MSRA: variants seen among roughly 807,000 people sequenced by gnomAD.
MSRA encodes the protein methionine sulfoxide reductase A.
MSRA carries 54 observed loss-of-function variants against 31.3 expected under a neutral mutation model. The ratio of observed to expected loss-of-function variants is 1.73; its 90% CI spans 1.39 to 2.17. The LOEUF (loss-of-function observed/expected upper bound fraction) is 2.17, where lower values mean the gene tolerates loss of function less well. Among genes scored for constraint, MSRA ranks in the 30% most tolerant of loss-of-function variants. The probability of loss-of-function intolerance (pLI) is 0.00; values close to 1 mark genes in which losing one functional copy is unlikely to be tolerated. For synonymous variants in MSRA, 169 were observed against 116.5 expected (o/e 1.45, Z -2.90); for missense variants, 507 against 300.9 (o/e 1.69, Z -5.07).
chr8:10,194,827 C>T (rs1328064267), intron 1 of MSRA, among the ~76,000 whole-genome samples: 1 of 152,192 alleles, frequency 6.6e-6, no homozygotes, highest in Non-Finnish European at 1.5e-5. Context: ...CCAGCCTGGC[C>T]CTCAGCCCTG....
chr8:10,369,266 GA>G (rs1805344074), intron 5 of MSRA, among the ~76,000 whole-genome samples: 1 of 147,644 alleles, frequency 6.8e-6, no homozygotes, highest in Non-Finnish European at 1.5e-5. Context: ...AAAAAAAAAC[GA>G]AGAAGAAATT....
chr8:10,349,078 C>A (rs150986497), intron 5 of MSRA, among the ~76,000 whole-genome samples: 2 of 152,058 alleles, frequency 1.3e-5, no homozygotes, highest in Non-Finnish European at 2.9e-5. Context: ...TAATCATATG[C>A]GATACATCTA....
chr8:10,208,454 C>G (rs963043899), intron 2 of MSRA, among the ~76,000 whole-genome samples: 2 of 152,212 alleles, frequency 1.3e-5, no homozygotes, highest in Admixed American at 6.5e-5. Context: ...AAATTCCAAA[C>G]TGTTTGGTGA....
chr8:10,380,613 T>G (rs1806010167), intron 5 of MSRA, among the ~76,000 whole-genome samples: 1 of 152,224 alleles, frequency 6.6e-6, no homozygotes, highest in African/African-American at 2.4e-5. Flanking sequence ...TTCTTTCCTT[T>G]TCTAGACTGA....
intron 1 of MSRA, among the ~76,000 whole-genome samples, chr8:10,157,854 C>T (rs989553315): frequency 6.6e-6 from 1 of 152,048 alleles, no homozygotes; most frequent in Non-Finnish European, 1.5e-5. Flanking sequence ...CTTTTAATAA[C>T]AGCTGTATTG....
chr8:10,321,894 AG>A (rs1802062745), intron 5 of MSRA, among the ~76,000 whole-genome samples: 2 of 152,248 alleles, frequency 1.3e-5, no homozygotes, highest in Admixed American at 1.3e-4. Context: ...AGAGGCACAC[AG>A]CCAAGCTGTG....
At chr8:10,206,839 A>T (rs1809026923) in intron 1 of MSRA, among the ~76,000 whole-genome samples, 1 of 152,098 alleles carries the variant, frequency 6.6e-6, no homozygotes, top group Non-Finnish European at 1.5e-5. Context: ...TTGTTTTTGC[A>T]GTTGTTATTT....
intron 1 of MSRA, among the ~76,000 whole-genome samples, chr8:10,070,677 A>T (rs906199723): frequency 1.3e-5 from 2 of 152,158 alleles, no homozygotes; most frequent in African/African-American, 4.8e-5. Context: ...CCCATGTGCA[A>T]CCTCTGGCGA....
chr8:10,091,729 C>G (rs547018975), intron 1 of MSRA, among the ~76,000 whole-genome samples: 1 of 151,476 alleles, frequency 6.6e-6, no homozygotes, highest in African/African-American at 2.4e-5. Flanking sequence ...GCCTCAGCAT[C>G]CCAAGTAGCT....
chr8:10,375,482 G>C (rs955583918), intron 5 of MSRA, among the ~76,000 whole-genome samples: 3 of 152,240 alleles, frequency 2.0e-5, no homozygotes, highest in Non-Finnish European at 4.4e-5. Flanking sequence ...TGTGGAGCCA[G>C]TGGCCTGTGG....
intron 4 of MSRA, among the ~76,000 whole-genome samples, chr8:10,305,645 C>T (rs540911113): frequency 2.0e-5 from 3 of 152,172 alleles, no homozygotes; most frequent in African/African-American, 4.8e-5. Flanking sequence ...AACTCCTGAC[C>T]TCATGATTCG....
chr8:10,347,418 A>G (rs1352152318), intron 5 of MSRA, among the ~76,000 whole-genome samples: 1 of 152,130 alleles, frequency 6.6e-6, no homozygotes, highest in East Asian at 1.9e-4. Flanking sequence ...CCTTCTTGTG[A>G]TGTCCTGATT....
At chr8:10,093,573 A>C (rs1158433069) in intron 1 of MSRA, among the ~76,000 whole-genome samples, 1 of 152,190 alleles carries the variant, frequency 6.6e-6, no homozygotes, top group East Asian at 1.9e-4. Flanking sequence ...CATCAGATAG[A>C]AAAAAGAGTA....
At chr8:10,395,961 G>A (rs531913201) in intron 5 of MSRA, among the ~76,000 whole-genome samples, 3 of 152,220 alleles carry the variant, frequency 2.0e-5, no homozygotes, top group South Asian at 2.1e-4. Flanking sequence ...TACAAGTGCA[G>A]TCAAGCTCAA....
chr8:10,416,645 A>T (rs1006596861), intron 5 of MSRA, among the ~76,000 whole-genome samples: 1 of 152,186 alleles, frequency 6.6e-6, no homozygotes, highest in African/African-American at 2.4e-5. Flanking sequence ...CTGACTTCAA[A>T]AGGAGGGTGA....
At chr8:10,148,957 A>ATT (rs34442171) in intron 1 of MSRA, among the ~76,000 whole-genome samples, 2 of 136,406 alleles carry the variant, frequency 1.5e-5, no homozygotes, top group South Asian at 4.8e-4. Flanking sequence ...TCGCTGGTAA[A>ATT]TTTTTTTTTT....
intron 5 of MSRA, among the ~76,000 whole-genome samples, chr8:10,365,660 G>A (rs1476344122): frequency 1.3e-5 from 2 of 152,166 alleles, no homozygotes; most frequent in African/African-American, 2.4e-5. Context: ...CTTTTTACTT[G>A]CCTGACTCTA....
chr8:10,301,774 G>A (rs567600748), intron 4 of MSRA, 136 bp downstream of exon 4: 14 of 721,308 alleles, frequency 1.9e-5, no homozygotes, highest in Middle Eastern at 3.0e-4. Flanking sequence ...ATTTATTGAC[G>A]GAGGAGAGGA....
At chr8:10,094,539 G>C (rs969492014) in intron 1 of MSRA, among the ~76,000 whole-genome samples, 1 of 152,216 alleles carries the variant, frequency 6.6e-6, no homozygotes, top group African/African-American at 2.4e-5. Context: ...AGCAAACTGA[G>C]GAGATTAGAT....
Sources: allele counts gnomAD v4.1 joint callset (sites outside exome capture counted in the v4.1 genomes callset), GRCh38; gene constraint gnomAD v4.1.1; transcripts MANE v1.5; gene names NCBI Gene and HGNC (gene_info 2026-07-23, HGNC 2026-07-21).